PARD3: variants seen among roughly 807,000 people sequenced by gnomAD.
PARD3 encodes the protein par-3 family cell polarity regulator.
A neutral mutation model predicts 155.4 loss-of-function variants in PARD3; 75 were observed. That is an observed-to-expected ratio of 0.48 (90% CI 0.40 to 0.58). The LOEUF (loss-of-function observed/expected upper bound fraction) is 0.58, where lower values mean the gene tolerates loss of function less well. PARD3 is among the 20% of genes least tolerant of loss of function. The pLI is 0.00. For missense variants in PARD3, 1,642 were observed against 1,721.7 expected (o/e 0.95, Z 0.82); for synonymous variants, 576 against 610.5 (o/e 0.94, Z 0.83).
chr10:34,119,713 C>T lies in PARD3; in HGVS notation c.3568G>A (p.Gly1190Arg), dbSNP rs1292151446. The T allele has an allele frequency of 3.7e-6, 6 of 1,612,262 alleles. No homozygotes were observed. Among genetic ancestry groups the T allele is most frequent in the African/African-American group, 1.3e-5 (1 of 74,914 alleles). The change falls in exon 24 of 25, where the codon GGG becomes AGG. Residue 1190 changes from glycine (G) to arginine (R), a missense_variant. Coordinates refer to ENST00000374788, the MANE Select transcript of PARD3 (RefSeq NM_001184785.2). ...ACCTCCACGGACACCGAGTGTCGCC[C>T]GCTCTGCGTCGCCGGCCGTGCGTTC... Reference protein sequence around the residue: ...WPNARPATQSGRHSVSVEVQM... With the variant: ...WPNARPATQSRRHSVSVEVQM...
chr10:34,358,900 T>C (rs961518076), intron 14 of PARD3, among the ~76,000 whole-genome samples: 3 of 152,184 alleles, frequency 2.0e-5, no homozygotes, highest in Non-Finnish European at 2.9e-5. Context: ...AAAGGGGCTT[T>C]TGAGATCCCA....
chr10:34,497,406 A>G (rs189456745), intron 3 of PARD3, among the ~76,000 whole-genome samples: 1 of 152,310 alleles, frequency 6.6e-6, no homozygotes, highest in East Asian at 1.9e-4. Context: ...AAACTATTAC[A>G]CAATTTTAAA....
At chr10:34,309,512 G>A (rs1957585317) in intron 20 of PARD3, among the ~76,000 whole-genome samples, 1 of 124,308 alleles carries the variant, frequency 8.0e-6, no homozygotes, top group African/African-American at 2.9e-5. Context: ...AGGCATGATT[G>A]CACCACTGTA....
At chr10:34,457,034 C>T (rs1399572506) in intron 4 of PARD3, among the ~76,000 whole-genome samples, 1 of 152,110 alleles carries the variant, frequency 6.6e-6, no homozygotes, top group African/African-American at 2.4e-5. Context: ...TGGCAGCAAA[C>T]CCTTCAAGTT....
At chr10:34,698,301 A>G (rs2094211104) in intron 1 of PARD3, among the ~76,000 whole-genome samples, 1 of 152,104 alleles carries the variant, frequency 6.6e-6, no homozygotes, top group African/African-American at 2.4e-5. Context: ...TCTCAACCTC[A>G]TAACTTCATC....
intron 19 of PARD3, among the ~76,000 whole-genome samples, chr10:34,326,380 ATTC>A (rs970172425): frequency 6.2e-4 from 94 of 152,144 alleles, no homozygotes; most frequent in African/African-American, 2.0e-3. Flanking sequence ...GTGATAGGTT[ATTC>A]TTCTTCTTAG....
chr10:34,598,577 G>A (rs1012556196), intron 2 of PARD3, among the ~76,000 whole-genome samples: 1 of 152,122 alleles, frequency 6.6e-6, no homozygotes, highest in Non-Finnish European at 1.5e-5. Context: ...CTGTAAACAA[G>A]GCTCTTTTTC....
chr10:34,606,965 TAA>T (rs531578595), intron 2 of PARD3, among the ~76,000 whole-genome samples: 8 of 114,810 alleles, frequency 7.0e-5, no homozygotes, highest in Admixed American at 3.0e-4. Flanking sequence ...GACTCTGTCT[TAA>T]AAAAAAAAAA....
At chr10:34,687,211 G>T (rs911312829) in intron 2 of PARD3, among the ~76,000 whole-genome samples, 1 of 151,886 alleles carries the variant, frequency 6.6e-6, no homozygotes, top group Non-Finnish European at 1.5e-5. Flanking sequence ...GCCTAATGGG[G>T]CAGTAATTTT....
chr10:34,526,281 A>T (rs915312027), intron 2 of PARD3, among the ~76,000 whole-genome samples: 12 of 151,948 alleles, frequency 7.9e-5, no homozygotes, highest in Non-Finnish European at 1.5e-5. Flanking sequence ...CTGGGGGTGA[A>T]ATACTTTCCA....
intron 22 of PARD3, among the ~76,000 whole-genome samples, chr10:34,134,497 C>G (rs1947787545): frequency 6.6e-6 from 1 of 152,152 alleles, no homozygotes; most frequent in African/African-American, 2.4e-5. Flanking sequence ...GTCTGTTTTC[C>G]CGACAAAGGG....
chr10:34,400,106 T>A (rs1229331057), intron 6 of PARD3, among the ~76,000 whole-genome samples: 2 of 152,222 alleles, frequency 1.3e-5, no homozygotes, highest in African/African-American at 2.4e-5. Flanking sequence ...CCAACAGGCA[T>A]CTACTGCAAA....
chr10:34,598,363 GA>G (rs896667841), intron 2 of PARD3, among the ~76,000 whole-genome samples: 4 of 152,128 alleles, frequency 2.6e-5, no homozygotes, highest in Non-Finnish European at 5.9e-5. Context: ...CTGAAACACA[GA>G]ACTGGCAGCA....
At chr10:34,591,741 G>A (rs1564388833) in intron 2 of PARD3, among the ~76,000 whole-genome samples, 3 of 152,152 alleles carry the variant, frequency 2.0e-5, no homozygotes, top group East Asian at 1.9e-4. Context: ...AAGAAACTCC[G>A]TATGACCATT....
intron 3 of PARD3, among the ~76,000 whole-genome samples, chr10:34,498,437 C>A (rs1449969481): frequency 6.6e-6 from 1 of 152,072 alleles, no homozygotes; most frequent in Non-Finnish European, 1.5e-5. Context: ...TCATACATGC[C>A]ATTTATGTCA....
At chr10:34,812,013 A>C (rs1844242598) in intron 1 of PARD3, among the ~76,000 whole-genome samples, 1 of 152,232 alleles carries the variant, frequency 6.6e-6, no homozygotes, top group Non-Finnish European at 1.5e-5. Context: ...ACCATCTTTC[A>C]GGAGAGGAAA....
chr10:34,715,792 C>T (rs992499912), intron 1 of PARD3, among the ~76,000 whole-genome samples: 5 of 152,170 alleles, frequency 3.3e-5, no homozygotes, highest in African/African-American at 1.2e-4. Flanking sequence ...TGAATGGGTC[C>T]CACCCTCCTA....
chr10:34,187,709 T>G (rs1950546659), intron 22 of PARD3, among the ~76,000 whole-genome samples: 1 of 152,204 alleles, frequency 6.6e-6, no homozygotes, highest in Non-Finnish European at 1.5e-5. Context: ...TACATGACAT[T>G]CACTATCCAC....
chr10:34,807,967 A>G (rs1350595822), intron 1 of PARD3, among the ~76,000 whole-genome samples: 1 of 152,224 alleles, frequency 6.6e-6, no homozygotes, highest in Non-Finnish European at 1.5e-5. Context: ...TTTATTTACT[A>G]AAATGTTTAC....
Sources: gnomAD v4.1 joint callset for allele counts (sites outside exome capture counted in the v4.1 genomes callset) on GRCh38, gnomAD v4.1.1 for gene constraint, MANE v1.5 for transcripts, NCBI Gene and HGNC (gene_info 2026-07-23, HGNC 2026-07-21) for gene names.